PPIP5K1: variants seen among roughly 807,000 people sequenced by gnomAD.
PPIP5K1 encodes inositol hexakisphosphate and diphosphoinositol-pentakisphosphate kinase 1.
Under a neutral mutation model 27.7 loss-of-function variants are expected in PPIP5K1, and 6 were observed. The ratio of observed to expected loss-of-function variants is 0.22; its 90% confidence interval spans 0.12 to 0.43. PPIP5K1 has a LOEUF of 0.43. PPIP5K1 is among the 20% of genes least tolerant of loss of function. The pLI is 1.00. For missense variants in PPIP5K1, 394 were observed against 635.4 expected (o/e 0.62, Z 4.08); for synonymous variants, 145 against 242.6 (o/e 0.60, Z 3.74).
In PPIP5K1 at chr15:43,558,881, T is replaced by A; in HGVS notation, c.3470A>T (p.His1157Leu). The change falls in exon 30 of 32, where the codon CAT becomes CTT. Residue 1157 changes from histidine to leucine, a missense_variant. By Grantham distance (99) the His-to-Leu change is moderately conservative (BLOSUM62 -3). Transcript: ENST00000420765. ...CACTTGACGTAGGGAAAGGGCATTATGCAGTGTTTCCAGAGGGTAGATGGT... is the reference window on the plus strand; with the variant it reads ...CACTTGACGTAGGGAAAGGGCATTAAGCAGTGTTTCCAGAGGGTAGATGGT... ...VPTIYPLETL[H>L]NALSLRQVSE... 5 of 1,614,024 alleles carry A rather than the reference T, an allele frequency of 3.1e-6. No homozygotes were observed. The highest frequency in any genetic ancestry group is 4.2e-6 in the Non-Finnish European group (5 of 1,180,006).
intron 30 of PPIP5K1, among the ~76,000 whole-genome samples, chr15:43,541,768 C>T (rs1467625656): frequency 6.6e-6 from 1 of 151,678 alleles, no homozygotes; most frequent in Non-Finnish European, 1.5e-5. Flanking sequence ...AAGAACAGGC[C>T]AGTTGTCTTT....
At position 43,534,980 on chromosome 15, in the gene PPIP5K1, G is replaced by A. The variant is rs775765743; in HGVS notation, c.4167C>T (p.Ser1389=). ...CCTGGCATGGCTGGCTGACCTCCTC[G>A]GAGTTCTCCAGACATAGCTGGCAAA... ...EEVCQLCLEN[S]EEVSQPCQGV... Residue 1389 remains serine (S), a synonymous_variant, in exon 32 of 32, where the codon TCC becomes TCT. Coordinates refer to ENST00000420765, the MANE Select transcript of PPIP5K1 (RefSeq NM_001394395.1). The A allele has an allele frequency of 1.6e-5, 26 of 1,613,844 alleles. No individual in the cohort carries two copies. Among genetic ancestry groups the A allele is most frequent in the South Asian group, 3.3e-5 (3 of 91,066 alleles).
chr15:43,553,285 G>A (rs1024398740), intron 30 of PPIP5K1, among the ~76,000 whole-genome samples: 8 of 151,816 alleles, frequency 5.3e-5, no homozygotes, highest in Admixed American at 3.9e-4. Context: ...GTCTACATAT[G>A]TCTGTTAGGT....
At chr15:43,550,000 C>G (rs534447432) in intron 30 of PPIP5K1, among the ~76,000 whole-genome samples, 6 of 152,238 alleles carry the variant, frequency 3.9e-5, no homozygotes, top group Admixed American at 3.9e-4. Context: ...GAGACAAGGT[C>G]TTGCTATGTT....
chr15:43,539,866 G>A (rs2080435001), intron 30 of PPIP5K1, among the ~76,000 whole-genome samples: 1 of 152,142 alleles, frequency 6.6e-6, no homozygotes, highest in Admixed American at 6.5e-5. Flanking sequence ...TGCCATACTT[G>A]TTTCATCTAT....
chr15:43,537,207 C>T (rs764962543), intron 31 of PPIP5K1: 10 of 169,080 alleles, frequency 5.9e-5, no homozygotes, highest in Admixed American at 3.1e-4. Flanking sequence ...GGCATGGTGG[C>T]GCATGCCTGT....
rs1396886886 is a variant in PPIP5K1 at position 43,533,809 on chromosome 15, C to G, written c.*865G>C. ...TCTACTACTACAGCATCTCCTAAGC[C>G]AAACAGCCCCACCACAGAGGAGGCC... is the stretch of plus-strand genomic sequence containing the variant. On this transcript the variant is annotated 3_prime_UTR_variant, in exon 32 of 32. Transcript: ENST00000420765. 1 of 152,086 alleles carries G rather than the reference C, an allele frequency of 6.6e-6. No homozygotes were observed. The highest frequency in any genetic ancestry group is 1.5e-5 in the Non-Finnish European group (1 of 68,056). 9.4% of individuals were successfully genotyped at this position (152,086 alleles called of 1,614,324 possible).
chr15:43,536,514 C>T (rs1373383888), intron 31 of PPIP5K1, among the ~76,000 whole-genome samples: 1 of 152,064 alleles, frequency 6.6e-6, no homozygotes, highest in African/African-American at 2.4e-5. Context: ...GGGTCAGTGG[C>T]CCCTTTGAGG....
intron 10 of PPIP5K1, among the ~76,000 whole-genome samples, chr15:43,579,663 T>TA (rs2084807220): frequency 4.2e-5 from 2 of 47,498 alleles, no homozygotes; most frequent in African/African-American, 2.5e-4. Context: ...ATTTTTTTTT[T>TA]TTTTTTTTTT....
At chr15:43,555,188 T>C (rs995122075) in intron 30 of PPIP5K1, among the ~76,000 whole-genome samples, 2 of 152,160 alleles carry the variant, frequency 1.3e-5, no homozygotes, top group South Asian at 2.1e-4. Context: ...AACACTATTA[T>C]ATTTTCCTAA....
intron 31 of PPIP5K1, 39 bp from the exon 32 acceptor site, chr15:43,535,515 G>A (rs1205464504): frequency 1.4e-6 from 2 of 1,471,614 alleles, no homozygotes; most frequent in Non-Finnish European, 1.8e-6. Flanking sequence ...AGAGAAGCTG[G>A]AAGAGTAGGC....
At position 43,551,218 on chromosome 15, in the gene PPIP5K1, T is replaced by C. The variant is rs573041496; in HGVS notation, c.3556+7577A>G. On this transcript the variant is annotated intron_variant, in intron 30 of 31. Transcript: ENST00000420765. ...TAGACTTTTTGTTTTTTGGAGGTTT[T>C]TGTTACTAATCTTTTTTGGCTGGAC... Among the ~76,000 whole-genome samples, 9 of 152,254 alleles carry C rather than the reference T, an allele frequency of 5.9e-5. No individual in the cohort carries two copies. The South Asian group carries it at 1.9e-3, about 32-fold the overall frequency.
intron 30 of PPIP5K1, among the ~76,000 whole-genome samples, chr15:43,548,861 A>C (rs907297228): frequency 5.3e-5 from 8 of 150,664 alleles, no homozygotes; most frequent in Non-Finnish European, 1.2e-4. Context: ...CCCTGTCTCT[A>C]CTAAAATTAG....
At chr15:43,551,878 C>A (rs1273597679) in intron 30 of PPIP5K1, among the ~76,000 whole-genome samples, 1 of 152,106 alleles carries the variant, frequency 6.6e-6, no homozygotes, top group Non-Finnish European at 1.5e-5. Flanking sequence ...GCTGGGATTA[C>A]AGGCGTGAGC....
chr15:43,555,604 T>C (rs2082835943), intron 30 of PPIP5K1, among the ~76,000 whole-genome samples: 1 of 139,024 alleles, frequency 7.2e-6, no homozygotes, highest in African/African-American at 2.7e-5. Flanking sequence ...GTTTGTTTGT[T>C]TTTATTATTA....
intron 26 of PPIP5K1, among the ~76,000 whole-genome samples, chr15:43,567,393 TAGGC>T (rs2084226648): frequency 4.8e-4 from 3 of 6,232 alleles, no homozygotes; most frequent in Non-Finnish European, 8.2e-4. Context: ...GCTGGGATTA[TAGGC>T]ATGAGCCACT....
intron 30 of PPIP5K1, among the ~76,000 whole-genome samples, chr15:43,557,219 G>C (rs115534220): frequency 0.011 from 1,625 of 152,204 alleles, 36 homozygotes; most frequent in African/African-American, 0.038. Flanking sequence ...CCCAAGGGGG[G>C]GTGGATCACC....
chr15:43,550,366 A>T (rs1040822040), intron 30 of PPIP5K1, among the ~76,000 whole-genome samples: 1 of 151,860 alleles, frequency 6.6e-6, no homozygotes, highest in Non-Finnish European at 1.5e-5. Flanking sequence ...GGCTTGTCTC[A>T]AACTCCAGGG....
chr15:43,579,517 ATATGTGTATATAGATGCACATATG>A (rs1434247470), intron 10 of PPIP5K1, among the ~76,000 whole-genome samples: 11 of 96,084 alleles, frequency 1.1e-4, no homozygotes, highest in Non-Finnish European at 1.2e-4. Context: ...ATAGATGCAC[ATATGTGTATATAGATGCACATATG>A]TATGTGTATA....
Sources: gnomAD v4.1 joint callset for allele counts (sites outside exome capture counted in the v4.1 genomes callset) on GRCh38, gnomAD v4.1.1 for gene constraint, MANE v1.5 for transcripts, NCBI Gene and HGNC (gene_info 2026-07-23, HGNC 2026-07-21) for gene names.